Variants in CPED1 observed in about 807,000 individuals in gnomAD.
CPED1 encodes cadherin-like and PC-esterase domain-containing protein 1.
In CPED1, 114 loss-of-function variants were observed where a neutral mutation model predicts 128.2. That is an observed-to-expected ratio of 0.89 (90% confidence interval 0.76 to 1.04). CPED1 has a LOEUF of 1.04. CPED1 is among the 50% of genes least tolerant of loss of function. The pLI is 0.00. For synonymous variants in CPED1, 462 were observed against 426.7 expected (o/e 1.08, Z -1.02); for missense variants, 1,211 against 1,207.1 (o/e 1.00, Z -0.05).
chr7:121,013,397 G>A (rs990781784), intron 2 of CPED1, among the ~76,000 whole-genome samples: 1 of 152,110 alleles, frequency 6.6e-6, no homozygotes, highest in African/African-American at 2.4e-5. Context: ...CATACAGAAG[G>A]TATGATTAGC....
At chr7:121,109,425 T>A (rs921275149) in intron 7 of CPED1, among the ~76,000 whole-genome samples, 1 of 152,118 alleles carries the variant, frequency 6.6e-6, no homozygotes, top group African/African-American at 2.4e-5. Context: ...TCTTAGAAGC[T>A]CGATGAAGCA....
chr7:121,023,730 T>A (rs1044926439), intron 3 of CPED1, among the ~76,000 whole-genome samples: 7 of 152,162 alleles, frequency 4.6e-5, no homozygotes, highest in Admixed American at 1.3e-4. Context: ...CAGATGCTTC[T>A]GCTGGTAATT....
chr7:121,057,607 G>A (rs1180279572), intron 4 of CPED1, among the ~76,000 whole-genome samples: 1 of 152,200 alleles, frequency 6.6e-6, no homozygotes. Context: ...CATTTATCAA[G>A]ATGAAGGCCA....
At chr7:121,167,621 A>G (rs995379341) in intron 16 of CPED1, among the ~76,000 whole-genome samples, 2 of 152,194 alleles carry the variant, frequency 1.3e-5, no homozygotes, top group African/African-American at 4.8e-5. Context: ...CAGACACCAT[A>G]ACATATTTGA....
chr7:121,244,448 A>T, intron 18 of CPED1, 110 bp downstream of exon 18: 2 of 1,123,530 alleles, frequency 1.8e-6, no homozygotes, highest in African/African-American at 1.6e-5. Flanking sequence ...AGCAGAGGAA[A>T]ACTAACTGAA....
rs182652243 is a variant in CPED1, at chr7:121,237,287, C to T, written c.2173+456C>T. On this transcript the variant is annotated intron_variant, in intron 17 of 22. Coordinates refer to ENST00000310396, the MANE Select transcript of CPED1 (RefSeq NM_024913.5). ...TTGCATTATACTAATTCATTTGGCA[C>T]CATAATTTGTACATAGTAGTTAGAA... Among the ~76,000 whole-genome samples, 14 of 152,188 alleles carry T rather than the reference C, an allele frequency of 9.2e-5. No homozygotes were observed. In the East Asian group the frequency reaches 2.7e-3, roughly 29 times the overall value.
At chr7:121,186,933 C>G (rs1797016956) in intron 16 of CPED1, among the ~76,000 whole-genome samples, 1 of 152,182 alleles carries the variant, frequency 6.6e-6, no homozygotes, top group Non-Finnish European at 1.5e-5. Flanking sequence ...GTGGTCTACT[C>G]TGATACTTCC....
chr7:121,165,742 T>C (rs186468317), intron 16 of CPED1, among the ~76,000 whole-genome samples: 237 of 152,294 alleles, frequency 1.6e-3, no homozygotes, highest in African/African-American at 5.4e-3. Flanking sequence ...CTTTTTGGCA[T>C]GTGTTGGGGG....
At chr7:121,277,603 C>T (rs777298847) in intron 22 of CPED1, among the ~76,000 whole-genome samples, 12 of 152,036 alleles carry the variant, frequency 7.9e-5, no homozygotes, top group Non-Finnish European at 1.2e-4. Flanking sequence ...ATCCACTGTG[C>T]GATCTCTCAA....
rs1795530604 is a variant in CPED1, at chr7:121,127,388, C to T, written c.1302+131C>T. 4 of 522,874 alleles carry T rather than the reference C, an allele frequency of 7.7e-6. No homozygotes were observed. In the Admixed American group the frequency reaches 1.2e-4, roughly 15 times the overall value. 32.4% of individuals were successfully genotyped at this position (522,874 alleles called of 1,614,324 possible). A position where few individuals can be genotyped will look rare whatever the true frequency, so the allele number is the denominator to read the frequency against. ...AATTGGTATCTATTATATCACACTTCTTAATTTTTTCTGACCTCTGGACTA... is the reference window on the plus strand; with the variant it reads ...AATTGGTATCTATTATATCACACTTTTTAATTTTTTCTGACCTCTGGACTA... On this transcript the variant is annotated intron_variant, in intron 10 of 22. Coordinates refer to ENST00000310396, the MANE Select transcript of CPED1 (RefSeq NM_024913.5).
At chr7:121,074,755 G>A (rs1317407740) in intron 5 of CPED1, among the ~76,000 whole-genome samples, 1 of 151,814 alleles carries the variant, frequency 6.6e-6, no homozygotes, top group Admixed American at 6.6e-5. Context: ...TTTGCTTTAA[G>A]TTGTCATATA....
At position 121,015,554 on chromosome 7, in the gene CPED1, G is replaced by C. The variant is rs1792278723; in HGVS notation, c.250-111G>C. 5.1e-6 allele frequency: 5 copies of C among 979,854 alleles called. No homozygotes were observed. The African/African-American group carries it at 8.5e-5, about 17-fold the overall frequency. The allele number at this position is 979,854 out of a possible 1,614,324, so 60.7% of individuals were successfully genotyped here. A position where few individuals can be genotyped will look rare whatever the true frequency, so the allele number is the denominator to read the frequency against. ...TCAGAGAAACTGCCTTTCACTTCTA[G>C]AGAAAAACTTTAGAATAACTTCCCA... On this transcript the variant is annotated intron_variant, in intron 2 of 22. Coordinates refer to ENST00000310396, the MANE Select transcript of CPED1 (RefSeq NM_024913.5).
chr7:121,000,601 G>T (rs1250256283), intron 2 of CPED1, among the ~76,000 whole-genome samples: 3 of 152,066 alleles, frequency 2.0e-5, no homozygotes, highest in Non-Finnish European at 2.9e-5. Context: ...CTTTATCTGG[G>T]TGTTCTCAGT....
chr7:121,211,832 T>C (rs373313347), intron 16 of CPED1, among the ~76,000 whole-genome samples: 2 of 152,144 alleles, frequency 1.3e-5, no homozygotes, highest in Non-Finnish European at 2.9e-5. Context: ...TACAGAAGAA[T>C]TGTGACAACT....
intron 7 of CPED1, among the ~76,000 whole-genome samples, chr7:121,115,604 A>G (rs1339904364): frequency 6.6e-6 from 1 of 152,210 alleles, no homozygotes; most frequent in Non-Finnish European, 1.5e-5. Flanking sequence ...TAGAGATATG[A>G]GATAGGTATC....
chr7:121,265,706 G>T (rs1323004751), intron 18 of CPED1, among the ~76,000 whole-genome samples: 1 of 151,996 alleles, frequency 6.6e-6, no homozygotes, highest in Non-Finnish European at 1.5e-5. Flanking sequence ...AGGCTTCATT[G>T]GAGAGGAAAT....
intron 22 of CPED1, among the ~76,000 whole-genome samples, chr7:121,272,436 AG>A (rs1257843030): frequency 1.3e-5 from 2 of 151,800 alleles, no homozygotes; most frequent in Admixed American, 6.6e-5. Context: ...CCTCCCCACC[AG>A]TGGAACTTTA....
chr7:121,281,967 AG>A (rs1792473343), intron 22 of CPED1, among the ~76,000 whole-genome samples: 1 of 152,212 alleles, frequency 6.6e-6, no homozygotes, highest in South Asian at 2.1e-4. Flanking sequence ...TAAACACAAA[AG>A]TAAAGAGGAG....
At chr7:121,211,445 A>G (rs1314599167) in intron 16 of CPED1, among the ~76,000 whole-genome samples, 2 of 143,948 alleles carry the variant, frequency 1.4e-5, no homozygotes, top group African/African-American at 5.1e-5. Context: ...AGAGCCACAT[A>G]GTATCCGATC....
Sources: gnomAD v4.1 joint callset for allele counts (sites outside exome capture counted in the v4.1 genomes callset) on GRCh38, gnomAD v4.1.1 for gene constraint, MANE v1.5 for transcripts, NCBI Gene and HGNC (gene_info 2026-07-23, HGNC 2026-07-21) for gene names.